The following MKX variants were observed in gnomAD, a reference collection of about 807,000 sequenced individuals.
MKX encodes homeobox protein Mohawk.
A neutral mutation model predicts 36.0 loss-of-function variants in MKX; 13 were observed. The observed-to-expected ratio is 0.36, with a 90% CI of 0.24 to 0.57. MKX has a LOEUF of 0.57. MKX is among the 20% of genes least tolerant of loss of function. MKX has a pLI of 0.79. For missense variants in MKX, 458 were observed against 456.4 expected, an observed-to-expected ratio of 1.00 and a Z score of -0.03; for synonymous variants, 176 against 178.3, an observed-to-expected ratio of 0.99 and a Z score of 0.10.
intron 3 of MKX, among the ~76,000 whole-genome samples, chr10:27,736,104 T>C (rs1564366823): frequency 1.3e-5 from 2 of 151,904 alleles, no homozygotes; most frequent in Non-Finnish European, 2.9e-5. Flanking sequence ...ATGAGCAAAT[T>C]CAAGAGGAAA....
intron 5 of MKX, among the ~76,000 whole-genome samples, chr10:27,728,115 T>C (rs767738713): frequency 5.9e-5 from 9 of 152,200 alleles, no homozygotes; most frequent in Non-Finnish European, 1.0e-4. Flanking sequence ...GTCATTTGCA[T>C]GCCAGGAAAA....
At chr10:27,710,813 A>G (rs1836837719) in intron 5 of MKX, among the ~76,000 whole-genome samples, 1 of 152,084 alleles carries the variant, frequency 6.6e-6, no homozygotes, top group Non-Finnish European at 1.5e-5. Flanking sequence ...ATGAGTCACT[A>G]CATATGGGCT....
chr10:27,702,029 C>T (rs770065276), intron 5 of MKX, among the ~76,000 whole-genome samples: 1 of 151,974 alleles, frequency 6.6e-6, no homozygotes, highest in Non-Finnish European at 1.5e-5. Flanking sequence ...TACATTAAGA[C>T]CTCATTAGCT....
At chr10:27,745,107 C>A (rs1376226369) in intron 1 of MKX, among the ~76,000 whole-genome samples, 1 of 151,806 alleles carries the variant, frequency 6.6e-6, no homozygotes, top group Non-Finnish European at 1.5e-5. Flanking sequence ...GTACAAGACA[C>A]CCTTCCCCGG....
At chr10:27,727,540 A>G (rs1834518193) in intron 5 of MKX, among the ~76,000 whole-genome samples, 2 of 152,258 alleles carry the variant, frequency 1.3e-5, no homozygotes, top group Non-Finnish European at 1.5e-5. Flanking sequence ...GTTTTGCTAC[A>G]ATCATCACTC....
In MKX at chr10:27,725,637, T is replaced by C. The variant is rs1834471734; in HGVS notation, c.838+8819A>G. ...TACCTTCTTAATTTTAGAAACAAAG[T>C]AGGGAGGCAGAAAGGAAAAAACTAA... On this transcript the variant is annotated intron_variant, in intron 5 of 6. Transcript: ENST00000419761. Among the ~76,000 whole-genome samples, 5 of 144,622 alleles carry C rather than the reference T, an allele frequency of 3.5e-5. No individual in the cohort carries two copies. In the South Asian group the frequency reaches 8.7e-4, roughly 25 times the overall value. 94.9% of individuals were successfully genotyped at this position (144,622 alleles called of 152,430 possible).
At position 27,711,499 on chromosome 10, in the gene MKX, T is replaced by TCTC. The variant is rs1554772224; in HGVS notation, c.838+22956_838+22957insGAG. On this transcript the variant is annotated intron_variant, in intron 5 of 6. Coordinates refer to ENST00000419761, the MANE Select transcript of MKX (RefSeq NM_173576.3). ...TCTTTCTTTCTCTCTCTCTCTCTTC[T>TCTC]TTCCTTCCTTCCTTCCTTCCTTCCT... is the stretch of plus-strand genomic sequence containing the variant. Among the ~76,000 whole-genome samples the TCTC allele has an allele frequency of 4.9e-4, 46 of 93,072 alleles. 1 individual carries two copies. Among genetic ancestry groups the TCTC allele is most frequent in the South Asian group, 3.6e-3 (8 of 2,250 alleles). 61.1% of individuals were successfully genotyped at this position (93,072 alleles called of 152,430 possible).
chr10:27,711,492 TCTCTTC>T (rs1836863034), intron 5 of MKX, among the ~76,000 whole-genome samples: 1 of 43,612 alleles, frequency 2.3e-5, no homozygotes, highest in African/African-American at 9.0e-5. Flanking sequence ...TCTCTCTCTC[TCTCTTC>T]TTTCCTTCCT....
At chr10:27,697,260 A>G (rs1479883339) in intron 5 of MKX, among the ~76,000 whole-genome samples, 1 of 152,220 alleles carries the variant, frequency 6.6e-6, no homozygotes, top group Non-Finnish European at 1.5e-5. Context: ...ATTACAATGT[A>G]TCTGAAATTA....
intron 5 of MKX, among the ~76,000 whole-genome samples, chr10:27,729,015 C>G (rs1353744320): frequency 6.6e-6 from 1 of 152,174 alleles, no homozygotes; most frequent in Non-Finnish European, 1.5e-5. Context: ...TAAACGACTT[C>G]TTTTTTCTCT....
intron 5 of MKX, among the ~76,000 whole-genome samples, chr10:27,680,301 G>C (rs961098179): frequency 6.6e-6 from 1 of 151,006 alleles, no homozygotes; most frequent in African/African-American, 2.4e-5. Flanking sequence ...AAAAGCAACT[G>C]GTTGGCAGGA....
Position 27,718,735 on chromosome 10 carries a change from ATAT to A in MKX, c.838+15718_838+15720del, listed in dbSNP as rs1425333423. On this transcript the variant is annotated intron_variant, in intron 5 of 6. Coordinates refer to ENST00000419761, the MANE Select transcript of MKX (RefSeq NM_173576.3). The stretch of plus-strand genomic sequence containing the variant: ...CACAACTGCCAAGTAATAATATATC[ATAT>A]TATTATAATTATGGCTTTTTTTATT... 7 of 157,212 alleles carry A rather than the reference ATAT, an allele frequency of 4.5e-5. No homozygotes were observed. In the Admixed American group the frequency reaches 4.5e-4, roughly 10 times the overall value. The allele number at this position is 157,212 out of a possible 1,614,324, so 9.7% of individuals were successfully genotyped here. A position where few individuals can be genotyped will look rare whatever the true frequency, so the allele number is the denominator to read the frequency against.
At position 27,744,845 on chromosome 10, in the gene MKX, A is replaced by T. The variant is rs886805801; in HGVS notation, c.-83+862T>A. On this transcript the variant is annotated intron_variant, in intron 1 of 6. Coordinates refer to ENST00000419761, the MANE Select transcript of MKX (RefSeq NM_173576.3). The surrounding 1 kb of genome is among the most constrained non-coding windows in gnomAD (Gnocchi z 5.6). ...GTGACATTTAGGACCACGCGTGACC[A>T]CCGCGATCAAACGACGGCTACGGTC... The T allele has an allele frequency of 7.9e-5, 12 of 152,216 alleles. No homozygotes were observed. Among genetic ancestry groups the T allele is most frequent in the Non-Finnish European group, 1.8e-4 (12 of 68,102 alleles). 9.4% of individuals were successfully genotyped at this position (152,216 alleles called of 1,614,324 possible). A position where few individuals can be genotyped will look rare whatever the true frequency, so the allele number is the denominator to read the frequency against.
chr10:27,678,969 A>C (rs189686096), intron 5 of MKX, among the ~76,000 whole-genome samples: 1 of 152,156 alleles, frequency 6.6e-6, no homozygotes, highest in Admixed American at 6.5e-5. Flanking sequence ...GGGTTTTACA[A>C]ATCTCAGCAA....
chr10:27,729,558 C>T (rs1368255301), intron 5 of MKX, among the ~76,000 whole-genome samples: 1 of 151,960 alleles, frequency 6.6e-6, no homozygotes, highest in South Asian at 2.1e-4. Flanking sequence ...CCACTGGCCT[C>T]GGCTTCCCAA....
intron 5 of MKX, among the ~76,000 whole-genome samples, chr10:27,686,394 A>AAGGGAAAGGAAGG (rs1311106601): frequency 8.1e-6 from 1 of 122,934 alleles, no homozygotes; most frequent in African/African-American, 3.8e-5. Flanking sequence ...AAGGGAAGGG[A>AAGGGAAAGGAAGG]AAGGAAGGAA....
chr10:27,699,057 C>T (rs1379540200), intron 5 of MKX, among the ~76,000 whole-genome samples: 1 of 152,144 alleles, frequency 6.6e-6, no homozygotes, highest in Non-Finnish European at 1.5e-5. Context: ...TTAATCCATA[C>T]TCTATTTACT....
intron 5 of MKX, among the ~76,000 whole-genome samples, chr10:27,725,607 A>AAAATTCT (rs1834470770): frequency 1.3e-5 from 2 of 152,054 alleles, no homozygotes; most frequent in Non-Finnish European, 2.9e-5. Context: ...TTTAACACAG[A>AAAATTCT]AAAATACCTT....
At chr10:27,732,361 A>G (rs971023376) in intron 5 of MKX, among the ~76,000 whole-genome samples, 4 of 152,184 alleles carry the variant, frequency 2.6e-5, no homozygotes, top group Non-Finnish European at 5.9e-5. Context: ...CTTGTTTATG[A>G]ACTTTTAATT....
Sources: gnomAD v4.1 joint callset for allele counts (sites outside exome capture counted in the v4.1 genomes callset) on GRCh38, gnomAD v4.1.1 for gene constraint, Gnocchi (gnomAD v3.1) non-coding constraint, MANE v1.5 for transcripts, NCBI Gene and HGNC (gene_info 2026-07-23, HGNC 2026-07-21) for gene names.